The following KCNMB3 variants were observed in gnomAD, a reference collection of about 807,000 sequenced individuals.
KCNMB3 encodes calcium-activated potassium channel subunit beta-3.
In KCNMB3, 18 loss-of-function variants were observed where a neutral mutation model predicts 11.9. The observed-to-expected ratio is 1.51, with a 90% CI of 1.04 to 2.23. KCNMB3 has a LOEUF of 2.23. Ranked by LOEUF, KCNMB3 falls within the 30% of genes most tolerant of loss-of-function variation. The pLI is 0.00. For missense variants in KCNMB3, 247 were observed against 329.4 expected, an observed-to-expected ratio of 0.75 and a Z score of 1.94; for synonymous variants, 78 against 119.2, an observed-to-expected ratio of 0.65 and a Z score of 2.25.
At chr3:179,266,667 C>T in exon 1 of KCNMB3, 4 of 1,614,196 alleles carry the variant, frequency 2.5e-6, no homozygotes, top group Non-Finnish European at 3.4e-6. Flanking sequence ...GCGCCTCCGG[C>T]TGCCCTGAAG....
intron 1 of KCNMB3, among the ~76,000 whole-genome samples, chr3:179,258,503 C>T (rs1196120185): frequency 2.0e-5 from 3 of 152,074 alleles, no homozygotes; most frequent in African/African-American, 4.8e-5. Flanking sequence ...TGCTATTTGG[C>T]GGTTTATCTC....
At chr3:179,255,765 A>T (rs770172278), upstream of KCNMB3, among the ~76,000 whole-genome samples, 7 of 152,346 alleles carry the variant, frequency 4.6e-5, no homozygotes, top group South Asian at 2.1e-4. Context: ...CACATCACAG[A>T]TATATTGCAC....
At chr3:179,244,209 T>A (rs986499743) in intron 2 of KCNMB3, among the ~76,000 whole-genome samples, 1 of 151,960 alleles carries the variant, frequency 6.6e-6, no homozygotes, top group Admixed American at 6.6e-5. Flanking sequence ...TGGCGCGGAG[T>A]GGAATCTCCA....
rs923170505 is a variant in KCNMB3, at chr3:179,260,837, A to G, written c.62+5812T>C. The G allele has an allele frequency of 2.0e-4, 248 of 1,261,882 alleles. 3 individuals carry two copies. The Admixed American group carries it at 4.4e-3, about 22-fold the overall frequency. The allele number at this position is 1,261,882 out of a possible 1,614,324, so 78.2% of individuals were successfully genotyped here. A position where few individuals can be genotyped will look rare whatever the true frequency, so the allele number is the denominator to read the frequency against. On this transcript the variant is annotated intron_variant, in intron 1 of 3. Transcript: ENST00000349697. Reference sequence around the variant, plus strand: ...CCTATATTCAGCCAGCTGTTCTTCAATCTCCAGCAACATATCTTTCAGGGT... The same window carrying G: ...CCTATATTCAGCCAGCTGTTCTTCAGTCTCCAGCAACATATCTTTCAGGGT...
chr3:179,246,624 CG>C (rs1468781382), intron 1 of KCNMB3, among the ~76,000 whole-genome samples: 1 of 151,988 alleles, frequency 6.6e-6, no homozygotes, highest in African/African-American at 2.4e-5. Context: ...AATACAAAAG[CG>C]GAAAATAAGA....
chr3:179,263,463 G>C (rs977223702), intron 1 of KCNMB3, among the ~76,000 whole-genome samples: 1 of 152,364 alleles, frequency 6.6e-6, no homozygotes, highest in African/African-American at 2.4e-5. Flanking sequence ...CCTCAGGCGC[G>C]GCCAGAGTGG....
At chr3:179,262,923 T>A (rs943455663) in intron 1 of KCNMB3, among the ~76,000 whole-genome samples, 1 of 152,244 alleles carries the variant, frequency 6.6e-6, no homozygotes, top group Non-Finnish European at 1.5e-5. Context: ...TTGGTGTATT[T>A]ACAATCTCTT....
chr3:179,246,717 AATT>A (rs1252216246), intron 1 of KCNMB3, among the ~76,000 whole-genome samples: 1 of 152,232 alleles, frequency 6.6e-6, no homozygotes, highest in African/African-American at 2.4e-5. Context: ...TTGAAATAAT[AATT>A]TAGAGTTACT....
upstream of KCNMB3, among the ~76,000 whole-genome samples, chr3:179,254,893 G>A (rs1725962123): frequency 6.6e-6 from 1 of 152,150 alleles, no homozygotes; most frequent in Non-Finnish European, 1.5e-5. Context: ...AGCCAGGCGA[G>A]GTAGTTCATG....
upstream of KCNMB3, among the ~76,000 whole-genome samples, chr3:179,255,704 C>G (rs889524578): frequency 6.6e-6 from 1 of 152,138 alleles, no homozygotes; most frequent in Admixed American, 6.5e-5. Context: ...AGACCCAGTT[C>G]CCAGACTCCA....
chr3:179,260,989 G>A (rs1375538010), intron 1 of KCNMB3: 2 of 977,348 alleles, frequency 2.0e-6, no homozygotes, highest in African/African-American at 1.7e-5. Context: ...CCTCGGTGTC[G>A]ATGGATATAG....
At chr3:179,242,685 C>T (rs1725493418), downstream of KCNMB3, 4 of 774,078 alleles carry the variant, frequency 5.2e-6, no homozygotes, top group Admixed American at 1.2e-4. Context: ...TTCCTTAGCT[C>T]ATTTGGAAAG....
At chr3:179,259,018 C>T (rs1282800912) in intron 1 of KCNMB3, 2 of 1,614,044 alleles carry the variant, frequency 1.2e-6, no homozygotes, top group Non-Finnish European at 1.7e-6. Flanking sequence ...CCTGCCTCAG[C>T]TTAGGACATG....
At chr3:179,259,236 T>C in intron 1 of KCNMB3, 1 of 1,536,892 alleles carries the variant, frequency 6.5e-7, no homozygotes, top group South Asian at 1.3e-5. Flanking sequence ...ATCACTAATG[T>C]CCTGTGAGGG....
chr3:179,265,297 C>G (rs1160567749), intron 1 of KCNMB3, among the ~76,000 whole-genome samples: 1 of 152,168 alleles, frequency 6.6e-6, no homozygotes, highest in Non-Finnish European at 1.5e-5. Context: ...CTCAAATACC[C>G]CTGAGTGCAG....
At position 179,261,323 on chromosome 3, in the gene KCNMB3, G is replaced by T. The variant is rs1475647784; in HGVS notation, c.62+5326C>A. 2.5e-6 allele frequency: 3 copies of T among 1,209,284 alleles called. No individual in the cohort carries two copies. In the African/African-American group the frequency reaches 4.8e-5, roughly 19 times the overall value. The allele number at this position is 1,209,284 out of a possible 1,614,324, so 74.9% of individuals were successfully genotyped here. A position where few individuals can be genotyped will look rare whatever the true frequency, so the allele number is the denominator to read the frequency against. On this transcript the variant is annotated intron_variant, in intron 1 of 3. Coordinates refer to the KCNMB3 transcript ENST00000349697. ...CCGGCGGGAAACGCTCGGGGACCGTGCCGGAGCCCCCCCCCGCGGGCCGGG... is the reference window on the plus strand; with the variant it reads ...CCGGCGGGAAACGCTCGGGGACCGTTCCGGAGCCCCCCCCCGCGGGCCGGG...
intron 1 of KCNMB3, among the ~76,000 whole-genome samples, chr3:179,245,991 G>A (rs922473144): frequency 2.6e-5 from 4 of 152,172 alleles, no homozygotes; most frequent in African/African-American, 9.7e-5. Context: ...AAGAGGAAAC[G>A]CTTTGATTGA....
exon 1 of KCNMB3, chr3:179,266,829 A>C: frequency 1.4e-6 from 2 of 1,461,266 alleles, no homozygotes; most frequent in South Asian, 2.8e-5. Context: ...CCCAGCCCCC[A>C]GCGCAGCTGC....
chr3:179,251,681 C>T, upstream of KCNMB3: 1 of 1,225,686 alleles, frequency 8.2e-7, no homozygotes, highest in Non-Finnish European at 1.0e-6. Flanking sequence ...CGGCATCCAG[C>T]CCACAGATGT....
Sources: allele counts gnomAD v4.1 joint callset (sites outside exome capture counted in the v4.1 genomes callset), GRCh38; gene constraint gnomAD v4.1.1; transcripts MANE v1.5; gene names NCBI Gene and HGNC (gene_info 2026-07-23, HGNC 2026-07-21).